The following KLHL17 variants were observed in gnomAD, a reference collection of about 807,000 sequenced individuals.
KLHL17 encodes the protein kelch-like protein 17.
KLHL17 carries 71 observed loss-of-function variants against 64.6 expected under a neutral mutation model. That is an observed-to-expected ratio of 1.10 (90% CI 0.91 to 1.34). The LOEUF (loss-of-function observed/expected upper bound fraction) is 1.34, where lower values mean the gene tolerates loss of function less well. Among genes scored for constraint, KLHL17 ranks in the 40% most tolerant of loss-of-function variants. KLHL17 has a pLI of 0.00. For missense variants in KLHL17, 1,140 were observed against 935.0 expected, an observed-to-expected ratio of 1.22 and a Z score of -2.86; for synonymous variants, 612 against 405.4, an observed-to-expected ratio of 1.51 and a Z score of -6.12.
rs745623835 is a variant in KLHL17 at position 963,468 on chromosome 1, C to T, written c.1319C>T (p.Ser440Leu). The T allele has an allele frequency of 3.1e-6, 5 of 1,610,924 alleles. No individual in the cohort carries two copies. The highest frequency in any genetic ancestry group is 2.2e-5 in the South Asian group (2 of 90,990). ...GVAALHGLLY[S>L]AGGYDGASCL... ...GCCGCCTTGCATGGACTCCTGTACT[C>T]GGCCGGCGGCTATGACGGGGCCTCC... The change falls in exon 8 of 12, where the codon TCG (serine) becomes TTG (leucine). Residue 440 changes from serine to leucine, a missense_variant. Physicochemically the swap from Ser to Leu is moderately radical, Grantham distance 145 (BLOSUM62 -2). Transcript: ENST00000338591.
At position 965,230 on chromosome 1, in the gene KLHL17, T is replaced by G. The variant is rs1557637559; in HGVS notation, c.*39T>G. On this transcript the variant is annotated 3_prime_UTR_variant, in exon 12 of 12. Coordinates refer to ENST00000338591, the MANE Select transcript of KLHL17 (RefSeq NM_198317.3). Reference sequence around the variant, plus strand: ...AGAGGCCTGCAGCCTCCCACATGCCTTAAGGGGACCGTGGCCCCCACCAGG... The same window carrying G: ...AGAGGCCTGCAGCCTCCCACATGCCGTAAGGGGACCGTGGCCCCCACCAGG... 1.3e-6 allele frequency: 2 copies of G among 1,569,110 alleles called. No individual in the cohort carries two copies. Among genetic ancestry groups the G allele is most frequent in the Non-Finnish European group, 1.7e-6 (2 of 1,145,046 alleles).
Position 961,965 on chromosome 1 carries a change from T to G in KLHL17, c.629T>G (p.Leu210Arg), listed in dbSNP as rs1310956237. ...GATGCGCACTCCTGCAGCGACCTGC[T>G]CAAGGCCGCCCACAGGTACGTGCTG... Reference protein sequence around the residue: ...FADAHSCSDLLKAAHRYVLQH... With the variant: ...FADAHSCSDLRKAAHRYVLQH... The change falls in exon 4 of 12, where the codon CTC becomes CGC. Residue 210 changes from leucine (L) to arginine (R), a missense_variant. Coordinates refer to ENST00000338591, the MANE Select transcript of KLHL17 (RefSeq NM_198317.3). 6.2e-7 allele frequency: 1 copy of G among 1,612,912 alleles called. No homozygotes were observed. The highest frequency in any genetic ancestry group is 1.1e-5 in the South Asian group (1 of 91,086).
intron 10 of KLHL17, 42 bp downstream of exon 10, chr1:964,222 G>A (rs552569009): frequency 4.7e-5 from 75 of 1,604,342 alleles, no homozygotes; most frequent in South Asian, 2.9e-4. Flanking sequence ...CCCGTGCGCC[G>A]CGGGGCCCTC....
intron 1 of KLHL17, 27 bp downstream of exon 1, chr1:960,827 G>C: frequency 1.0e-6 from 1 of 994,188 alleles, no homozygotes; most frequent in South Asian, 4.5e-5. Flanking sequence ...CGGGGCGCGG[G>C]GGGCGGCCTC....
chr1:961,771 A>C lies in KLHL17; in HGVS notation c.489+21A>C. ...TGCAGGTGAGGGCTCCCTCACCCGG[A>C]TCCCGGTGTCCCCCGACCCTGTGCC... is the stretch of plus-strand genomic sequence containing the variant. On this transcript the variant is annotated intron_variant, in intron 3 of 11. Coordinates refer to ENST00000338591, the MANE Select transcript of KLHL17 (RefSeq NM_198317.3). 3 of 1,611,502 alleles carry C rather than the reference A, an allele frequency of 1.9e-6. No individual in the cohort carries two copies. In the South Asian group the frequency reaches 3.3e-5, roughly 18 times the overall value.
intron 8 of KLHL17, 163 bp downstream of exon 8, chr1:963,667 G>A (rs1207141563): frequency 1.1e-6 from 1 of 923,264 alleles, no homozygotes; most frequent in Non-Finnish European, 1.6e-6. Flanking sequence ...TCTTGGCTTT[G>A]CTGCCCCAGT....
At position 965,092 on chromosome 1, in the gene KLHL17, G is replaced by A; in HGVS notation, c.1830G>A (p.Met610Ile). Residue 610 changes from methionine to isoleucine, a missense_variant, in exon 12 of 12, where the codon ATG (methionine) becomes ATA (isoleucine). Physicochemically the swap from Met to Ile is conservative, Grantham distance 10. Coordinates refer to ENST00000338591, the MANE Select transcript of KLHL17 (RefSeq NM_198317.3). ...ACAAGTGGGTGGCCGCATCCTGCAT[G>A]TTCACCCGGCGCAGCAGTGTGGGTG... ...RTNKWVAASC[M>I]FTRRSSVGVA... 1 of 1,612,672 alleles carries A rather than the reference G, an allele frequency of 6.2e-7. No homozygotes were observed. Among genetic ancestry groups the A allele is most frequent in the Non-Finnish European group, 8.5e-7 (1 of 1,179,816 alleles).
intron 1 of KLHL17, 105 bp from the exon 2 acceptor site, chr1:961,188 T>G (rs1305248545): frequency 1.2e-6 from 1 of 845,976 alleles, no homozygotes; most frequent in Non-Finnish European, 1.5e-6. Context: ...GGCGCCCCCG[T>G]CGCACCAGGG....
Position 960,606 on chromosome 1 carries a change from G to A in KLHL17, c.-88G>A. 5 of 1,155,348 alleles carry A rather than the reference G, an allele frequency of 4.3e-6. No individual in the cohort carries two copies. Among genetic ancestry groups the A allele is most frequent in the East Asian group, 4.7e-5 (1 of 21,376 alleles). The allele number at this position is 1,155,348 out of a possible 1,614,324, so 71.6% of individuals were successfully genotyped here. On this transcript the variant is annotated 5_prime_UTR_variant, in exon 1 of 12. Transcript: ENST00000338591. ...GGCGGGAGTGAGCGACACAGAGCGGGCCGCCACCGCCGAGCAGCCCTCCGG... is the reference window on the plus strand; with the variant it reads ...GGCGGGAGTGAGCGACACAGAGCGGACCGCCACCGCCGAGCAGCCCTCCGG...
intron 1 of KLHL17, among the ~76,000 whole-genome samples, chr1:961,079 G>T (rs1383427082): frequency 6.6e-6 from 1 of 151,242 alleles, no homozygotes; most frequent in Non-Finnish European, 1.5e-5. Context: ...CTCTGTTCGC[G>T]GCTCTGACTA....
intron 1 of KLHL17, chr1:961,005 G>T (rs1259070409): frequency 9.0e-5 from 23 of 255,594 alleles, no homozygotes; most frequent in African/African-American, 4.6e-4. Flanking sequence ...GTCCCGAGAG[G>T]GCGGCTAGGG....
At chr1:960,874 A>T in intron 1 of KLHL17, 74 bp downstream of exon 1, 2 of 947,550 alleles carry the variant, frequency 2.1e-6, no homozygotes, top group Non-Finnish European at 2.5e-6. Flanking sequence ...GTCCGCTCGC[A>T]GAAGGGGCGG....
At chr1:962,660 G>A in intron 5 of KLHL17, 44 bp from the exon 6 acceptor site, 1 of 1,544,974 alleles carries the variant, frequency 6.5e-7, no homozygotes, top group Non-Finnish European at 8.7e-7. Context: ...GACGCCCAGT[G>A]TGCCCGAGGG....
intron 4 of KLHL17, 140 bp from the exon 5 acceptor site, chr1:962,215 G>A (rs967334434): frequency 7.0e-7 from 1 of 1,425,184 alleles, no homozygotes; most frequent in Admixed American, 1.9e-5. Flanking sequence ...AGCCTCGTCT[G>A]TGGCTCCTGA....
Position 961,301 on chromosome 1 carries a change from C to G in KLHL17, c.116C>G (p.Ala39Gly). Residue 39 changes from alanine to glycine, a missense_variant, in exon 2 of 12, where the codon GCA (alanine) becomes GGA (glycine). Transcript: ENST00000338591. ...PPPPQPPAPE[A>G]ERTRPRQARP... is the part of the protein sequence containing the mutation. Reference sequence around the variant, plus strand: ...CCGCCCGCCTCCTGCAGCCCCGAGGCAGAGCGCACGCGGCCCCGGCAGGCT... The same window carrying G: ...CCGCCCGCCTCCTGCAGCCCCGAGGGAGAGCGCACGCGGCCCCGGCAGGCT... 6.6e-7 allele frequency: 1 copy of G among 1,515,204 alleles called. No homozygotes were observed. The highest frequency in any genetic ancestry group is 8.8e-7 in the Non-Finnish European group (1 of 1,139,236). 93.9% of individuals were successfully genotyped at this position (1,515,204 alleles called of 1,614,324 possible). A position where few individuals can be genotyped will look rare whatever the true frequency, so the allele number is the denominator to read the frequency against.
At position 964,159 on chromosome 1, in the gene KLHL17, T is replaced by C. The variant is rs771001282; in HGVS notation, c.1497T>C (p.Thr499=). 3.7e-6 allele frequency: 6 copies of C among 1,612,682 alleles called. 1 individual carries two copies. Among genetic ancestry groups the C allele is most frequent in the South Asian group, 3.3e-5 (3 of 91,090 alleles). Residue 499 remains threonine (T), a synonymous_variant, in exon 10 of 12, where the codon ACT becomes ACC. Transcript: ENST00000338591. ...GGYDSSSHLA[T]VEKYEPQVNV... is the part of the protein sequence containing the mutation. Reference sequence around the variant, plus strand: ...ACGACAGCTCCTCACACCTGGCCACTGTGGAGAAGTATGAGCCCCAGGTGC... The same window carrying C: ...ACGACAGCTCCTCACACCTGGCCACCGTGGAGAAGTATGAGCCCCAGGTGC...
At chr1:961,598 G>A (rs967605598) in intron 2 of KLHL17, 31 bp from the exon 3 acceptor site, 48 of 1,612,636 alleles carry the variant, frequency 3.0e-5, no homozygotes, top group Non-Finnish European at 3.8e-5. Context: ...GGGTCCCTCG[G>A]GTCAGCTCGT....
intron 8 of KLHL17, 79 bp downstream of exon 8, chr1:963,583 T>C: frequency 1.4e-6 from 2 of 1,459,534 alleles, no homozygotes; most frequent in South Asian, 1.3e-5. Context: ...ACAGGGGTCG[T>C]ATCTGATGGG....
rs1339504498 is a variant in KLHL17 at position 960,757 on chromosome 1, C to A, written c.64C>A (p.Pro22Thr). 8.6e-7 allele frequency: 1 copy of A among 1,164,650 alleles called. No individual in the cohort carries two copies. Among genetic ancestry groups the A allele is most frequent in the Non-Finnish European group, 1.1e-6 (1 of 943,672 alleles). 72.1% of individuals were successfully genotyped at this position (1,164,650 alleles called of 1,614,324 possible). Residue 22 changes from proline to threonine, a missense_variant, in exon 1 of 12, where the codon CCC becomes ACC. Coordinates refer to ENST00000338591, the MANE Select transcript of KLHL17 (RefSeq NM_198317.3). ...TQSPEHGSPG[P>T]GPEAPPPPPP... Reference sequence around the variant, plus strand: ...GAGCCCGGAGCACGGCAGCCCGGGGCCCGGGCCCGAGGCGCCGCCGCCTCC... The same window carrying A: ...GAGCCCGGAGCACGGCAGCCCGGGGACCGGGCCCGAGGCGCCGCCGCCTCC...
Sources: gnomAD v4.1 joint callset for allele counts (sites outside exome capture counted in the v4.1 genomes callset) on GRCh38, gnomAD v4.1.1 for gene constraint, MANE v1.5 for transcripts, NCBI Gene and HGNC (gene_info 2026-07-23, HGNC 2026-07-21) for gene names.